HS3ST2: variants seen among roughly 807,000 people sequenced by gnomAD.
The protein encoded by HS3ST2 is heparan sulfate glucosamine 3-O-sulfotransferase 2.
A neutral mutation model predicts 26.3 loss-of-function variants in HS3ST2; 17 were observed. The ratio of observed to expected loss-of-function variants is 0.65; its 90% CI spans 0.44 to 0.97. HS3ST2 has a LOEUF of 0.97. HS3ST2 is among the 50% of genes least tolerant of loss of function. HS3ST2 has a pLI of 0.00. For missense variants in HS3ST2, 402 were observed against 501.2 expected (o/e 0.80, Z 1.89); for synonymous variants, 237 against 219.2 (o/e 1.08, Z -0.72).
At chr16:22,887,556 A>G (rs1010349640) in intron 1 of HS3ST2, among the ~76,000 whole-genome samples, 11 of 152,174 alleles carry the variant, frequency 7.2e-5, no homozygotes, top group Non-Finnish European at 1.5e-5. Flanking sequence ...TTTTGGGATG[A>G]CACAAACACT....
chr16:22,880,508 C>T (rs928623711), intron 1 of HS3ST2, among the ~76,000 whole-genome samples: 13 of 152,070 alleles, frequency 8.5e-5, no homozygotes, highest in African/African-American at 3.1e-4. Flanking sequence ...ACTCTGTCAC[C>T]CAGATATATA....
At chr16:22,834,307 A>G (rs1901218596) in intron 1 of HS3ST2, among the ~76,000 whole-genome samples, 1 of 152,172 alleles carries the variant, frequency 6.6e-6, no homozygotes, top group African/African-American at 2.4e-5. Context: ...TAGACAAATC[A>G]TGTGTATACT....
intron 1 of HS3ST2, among the ~76,000 whole-genome samples, chr16:22,892,918 C>A (rs1902149753): frequency 6.6e-6 from 1 of 152,144 alleles, no homozygotes; most frequent in African/African-American, 2.4e-5. Flanking sequence ...CTTTTGGGAT[C>A]TGGATTGGAA....
chr16:22,840,384 C>CTT (rs879616249), intron 1 of HS3ST2, among the ~76,000 whole-genome samples: 3 of 146,138 alleles, frequency 2.1e-5, no homozygotes, highest in East Asian at 4.0e-4. Context: ...AAATAGGAAT[C>CTT]TTTTTTTTTT....
chr16:22,835,780 G>T (rs1901245681), intron 1 of HS3ST2, among the ~76,000 whole-genome samples: 1 of 152,174 alleles, frequency 6.6e-6, no homozygotes, highest in African/African-American at 2.4e-5. Flanking sequence ...AAATAATGAT[G>T]TGTACTGAAT....
At chr16:22,839,335 A>G (rs1440236542) in intron 1 of HS3ST2, among the ~76,000 whole-genome samples, 3 of 152,260 alleles carry the variant, frequency 2.0e-5, no homozygotes, top group Admixed American at 2.0e-4. Flanking sequence ...AGGGGCTCAG[A>G]AAACCTGGAA....
intron 1 of HS3ST2, among the ~76,000 whole-genome samples, chr16:22,837,295 T>C (rs979226847): frequency 3.3e-5 from 5 of 151,768 alleles, no homozygotes; most frequent in Admixed American, 6.6e-5. Flanking sequence ...TGGGATGATA[T>C]GAAAAATGAG....
chr16:22,853,003 A>G (rs1399215726), intron 1 of HS3ST2, among the ~76,000 whole-genome samples: 1 of 152,216 alleles, frequency 6.6e-6, no homozygotes, highest in African/African-American at 2.4e-5. Flanking sequence ...CCCATTTTAT[A>G]TCAGCTTACC....
intron 1 of HS3ST2, among the ~76,000 whole-genome samples, chr16:22,815,799 A>G (rs1401371770): frequency 1.3e-5 from 2 of 152,152 alleles, no homozygotes; most frequent in Non-Finnish European, 2.9e-5. Flanking sequence ...ATCCATCCCA[A>G]TGGGCAGGAA....
intron 1 of HS3ST2, among the ~76,000 whole-genome samples, chr16:22,851,792 C>T (rs79505554): frequency 6.6e-6 from 1 of 152,340 alleles, no homozygotes; most frequent in Non-Finnish European, 1.5e-5. Context: ...CATCTCCCCT[C>T]CACTGGGGCA....
chr16:22,871,223 G>T (rs1489978285), intron 1 of HS3ST2, among the ~76,000 whole-genome samples: 1 of 152,086 alleles, frequency 6.6e-6, no homozygotes, highest in African/African-American at 2.4e-5. Context: ...GGGCGTGATG[G>T]TGCACGCCTG....
intron 1 of HS3ST2, among the ~76,000 whole-genome samples, chr16:22,854,450 T>G (rs1447672989): frequency 6.6e-6 from 1 of 152,120 alleles, no homozygotes; most frequent in Admixed American, 6.5e-5. Context: ...GAATATTACT[T>G]CTATTGTACT....
intron 1 of HS3ST2, among the ~76,000 whole-genome samples, chr16:22,875,354 A>G (rs1218001469): frequency 1.3e-5 from 2 of 151,982 alleles, no homozygotes; most frequent in Non-Finnish European, 2.9e-5. Context: ...TGAAGACAGA[A>G]AAATACTTTT....
intron 1 of HS3ST2, among the ~76,000 whole-genome samples, chr16:22,869,583 A>G (rs1339518717): frequency 1.3e-5 from 2 of 152,196 alleles, no homozygotes; most frequent in East Asian, 3.9e-4. Context: ...CGTGTCTTAC[A>G]TGGATGGCAG....
At chr16:22,866,302 T>C (rs145496249) in intron 1 of HS3ST2, among the ~76,000 whole-genome samples, 1,940 of 150,694 alleles carry the variant, frequency 0.013, 29 homozygotes, top group African/African-American at 0.045. Context: ...GAGGGGAGAA[T>C]TCGCGCAAGC....
At chr16:22,842,829 G>A (rs1324666721) in intron 1 of HS3ST2, among the ~76,000 whole-genome samples, 1 of 151,976 alleles carries the variant, frequency 6.6e-6, no homozygotes, top group Non-Finnish European at 1.5e-5. Context: ...TTTTTCATTT[G>A]TTTAGAGCAT....
At chr16:22,904,725 G>A (rs1331428912) in intron 1 of HS3ST2, among the ~76,000 whole-genome samples, 1 of 152,206 alleles carries the variant, frequency 6.6e-6, no homozygotes, top group African/African-American at 2.4e-5. Flanking sequence ...AGCCCAGGAG[G>A]GGCCATGGGC....
At chr16:22,889,720 C>T (rs1596627420) in intron 1 of HS3ST2, among the ~76,000 whole-genome samples, 1 of 152,156 alleles carries the variant, frequency 6.6e-6, no homozygotes, top group Non-Finnish European at 1.5e-5. Flanking sequence ...CTCAGTGTCC[C>T]TCAATTTTTA....
At chr16:22,842,538 G>A (rs116843306) in intron 1 of HS3ST2, among the ~76,000 whole-genome samples, 3 of 151,720 alleles carry the variant, frequency 2.0e-5, no homozygotes, top group East Asian at 1.9e-4. Flanking sequence ...CTCCCCACCC[G>A]CCCCAGCCTC....
Sources: gnomAD v4.1 joint callset for allele counts (sites outside exome capture counted in the v4.1 genomes callset) on GRCh38, gnomAD v4.1.1 for gene constraint, MANE v1.5 for transcripts, NCBI Gene and HGNC (gene_info 2026-07-23, HGNC 2026-07-21) for gene names.